RNF185: variants seen among roughly 807,000 people sequenced by gnomAD.
The protein encoded by RNF185 is E3 ubiquitin-protein ligase RNF185.
RNF185 carries 13 observed loss-of-function variants against 24.9 expected under a neutral mutation model. That is an observed-to-expected ratio of 0.52 (90% CI 0.34 to 0.83). The LOEUF (loss-of-function observed/expected upper bound fraction) is 0.83. Ranked by LOEUF, RNF185 falls within the 40% of genes least tolerant of loss-of-function variation. RNF185 has a pLI of 0.01. For missense variants in RNF185, 184 were observed against 244.7 expected, an observed-to-expected ratio of 0.75 and a Z score of 1.65; for synonymous variants, 79 against 90.3, an observed-to-expected ratio of 0.88 and a Z score of 0.71.
intron 1 of RNF185, among the ~76,000 whole-genome samples, chr22:31,177,490 G>A (rs2047994451): frequency 6.6e-6 from 1 of 152,008 alleles, no homozygotes; most frequent in Non-Finnish European, 1.5e-5. Flanking sequence ...AAATTTCAAA[G>A]CTGGTTTATG....
rs1338951921 is a variant in RNF185, at chr22:31,205,536, C to T, written c.*950C>T. 2 of 151,674 alleles carry T rather than the reference C, an allele frequency of 1.3e-5. No individual in the cohort carries two copies. Among genetic ancestry groups the T allele is most frequent in the African/African-American group, 4.8e-5 (2 of 41,380 alleles). The allele number at this position is 151,674 out of a possible 1,614,324, so 9.4% of individuals were successfully genotyped here. On this transcript the variant is annotated 3_prime_UTR_variant, in exon 7 of 7. Transcript: ENST00000326132. Reference sequence around the variant, plus strand: ...TGCAGAAGCTTGAATGCATCCTCTCCCAGAACCTGCCACAGGAAACTGGGG... The same window carrying T: ...TGCAGAAGCTTGAATGCATCCTCTCTCAGAACCTGCCACAGGAAACTGGGG...
chr22:31,202,737 C>T (rs1372614105), intron 6 of RNF185, among the ~76,000 whole-genome samples: 5 of 151,538 alleles, frequency 3.3e-5, no homozygotes, highest in Non-Finnish European at 7.4e-5. Context: ...CTCAGCCTCC[C>T]GAGTAGCTGG....
chr22:31,168,932 G>A (rs1485199694), intron 1 of RNF185, among the ~76,000 whole-genome samples: 1 of 151,888 alleles, frequency 6.6e-6, no homozygotes, highest in African/African-American at 2.4e-5. Context: ...TTTTGAGACA[G>A]AGTCTCTCTC....
At chr22:31,185,836 G>A (rs535263306) in intron 1 of RNF185, among the ~76,000 whole-genome samples, 1 of 152,226 alleles carries the variant, frequency 6.6e-6, no homozygotes, top group Non-Finnish European at 1.5e-5. Flanking sequence ...GGAGGTGGTG[G>A]TCAACAGTGG....
rs1425399730 is a variant in RNF185 at position 31,195,216 on chromosome 22, G to A, written c.196-253G>A. The stretch of plus-strand genomic sequence containing the variant: ...GATCCACCCACCTCCGCCTCCCAAA[G>A]CGCTGGGATTACAGGCATGAGCACC... On this transcript the variant is annotated intron_variant, in intron 3 of 6. Transcript: ENST00000326132. Among the ~76,000 whole-genome samples, 4 of 152,180 alleles carry A rather than the reference G, an allele frequency of 2.6e-5. No individual in the cohort carries two copies. The East Asian group carries it at 5.8e-4, about 22-fold the overall frequency.
At chr22:31,203,049 A>G (rs1180360212) in intron 6 of RNF185, among the ~76,000 whole-genome samples, 1 of 152,236 alleles carries the variant, frequency 6.6e-6, no homozygotes, top group Non-Finnish European at 1.5e-5. Context: ...GAAGCCAGCA[A>G]GAACCTGCCT....
intron 1 of RNF185, among the ~76,000 whole-genome samples, chr22:31,170,020 C>CT (rs1924178920): frequency 6.6e-6 from 1 of 152,204 alleles, no homozygotes; most frequent in South Asian, 2.1e-4. Flanking sequence ...CAGATTGTGT[C>CT]TGCTTCTGTG....
At chr22:31,171,472 C>G (rs1055283075) in intron 1 of RNF185, among the ~76,000 whole-genome samples, 14 of 152,034 alleles carry the variant, frequency 9.2e-5, no homozygotes, top group Non-Finnish European at 1.5e-4. Flanking sequence ...TGAGCTACTG[C>G]ACCCAGCCCT....
intron 1 of RNF185, among the ~76,000 whole-genome samples, chr22:31,160,930 G>A (rs937868942): frequency 3.3e-5 from 5 of 152,174 alleles, no homozygotes; most frequent in Non-Finnish European, 7.3e-5. Context: ...AATGTTTGAA[G>A]CTCATTGATT....
intron 1 of RNF185, among the ~76,000 whole-genome samples, chr22:31,160,730 C>T (rs2147911097): frequency 6.6e-6 from 1 of 152,300 alleles, no homozygotes; most frequent in East Asian, 1.9e-4. Flanking sequence ...ATTGTGCGTT[C>T]TGGGCCAAAT....
chr22:31,199,132 G>T (rs1018881232), intron 5 of RNF185, among the ~76,000 whole-genome samples: 2 of 151,608 alleles, frequency 1.3e-5, no homozygotes, highest in Non-Finnish European at 2.9e-5. Flanking sequence ...AGAAATTAAG[G>T]TTCTCTTCTC....
intron 1 of RNF185, among the ~76,000 whole-genome samples, chr22:31,180,997 A>G (rs946986268): frequency 6.6e-6 from 1 of 151,430 alleles, no homozygotes; most frequent in African/African-American, 2.4e-5. Context: ...ACACATACAT[A>G]CTCATATACA....
chr22:31,160,622 G>C (rs954312387), intron 1 of RNF185, among the ~76,000 whole-genome samples: 5 of 152,182 alleles, frequency 3.3e-5, no homozygotes, highest in African/African-American at 9.7e-5. Context: ...CATTTCACGA[G>C]TTTGCCCTGA....
At chr22:31,196,008 C>G (rs1304227739) in intron 4 of RNF185, among the ~76,000 whole-genome samples, 1 of 152,114 alleles carries the variant, frequency 6.6e-6, no homozygotes, top group East Asian at 1.9e-4. Flanking sequence ...GTATTGAGAG[C>G]CCTTCATGGT....
Position 31,192,689 on chromosome 22 carries a change from C to T in RNF185, c.182C>T (p.Pro61Leu), listed in dbSNP as rs754140794. 1.9e-5 allele frequency: 31 copies of T among 1,613,824 alleles called. No individual in the cohort carries two copies. Among genetic ancestry groups the T allele is most frequent in the Non-Finnish European group, 2.5e-5 (29 of 1,179,790 alleles). Residue 61 changes from proline (P) to leucine (L), a missense_variant, in exon 3 of 7, where the codon CCG becomes CTG. By Grantham distance (98) the Pro-to-Leu change is moderately conservative. Coordinates refer to ENST00000326132, the MANE Select transcript of RNF185 (RefSeq NM_152267.4). The part of the protein sequence containing the change: ...ISLCGHLFCW[P>L]CLHQWLETRP... Reference sequence around the variant, plus strand: ...TGCCCTGGGGACTCTGGCAGTTGGCCGTGTTTACATCAGGTAAGATGCATT... The same window carrying T: ...TGCCCTGGGGACTCTGGCAGTTGGCTGTGTTTACATCAGGTAAGATGCATT...
At chr22:31,162,834 A>G (rs5753486) in intron 1 of RNF185, among the ~76,000 whole-genome samples, 106,013 of 149,814 alleles carry the variant, frequency 0.71, 38,532 homozygotes, top group African/African-American at 0.88. Flanking sequence ...GCTCCATCTC[A>G]GCTCACTGCA....
intron 2 of RNF185, among the ~76,000 whole-genome samples, chr22:31,188,538 C>T (rs1053280994): frequency 6.6e-6 from 1 of 152,098 alleles, no homozygotes; most frequent in Non-Finnish European, 1.5e-5. Flanking sequence ...ATGTGTACAG[C>T]TATTATGGCT....
At chr22:31,191,660 G>A (rs967632481) in intron 2 of RNF185, among the ~76,000 whole-genome samples, 4 of 151,976 alleles carry the variant, frequency 2.6e-5, no homozygotes, top group Admixed American at 6.6e-5. Context: ...GTGAAACCCC[G>A]TTTCTGCTAA....
At chr22:31,161,462 T>G (rs1923571895) in intron 1 of RNF185, among the ~76,000 whole-genome samples, 2 of 152,252 alleles carry the variant, frequency 1.3e-5, no homozygotes, top group Non-Finnish European at 2.9e-5. Context: ...AATCTCTTCC[T>G]GGTTGTCCTG....
Sources: allele counts gnomAD v4.1 joint callset (sites outside exome capture counted in the v4.1 genomes callset), GRCh38; gene constraint gnomAD v4.1.1; transcripts MANE v1.5; gene names NCBI Gene and HGNC (gene_info 2026-07-23, HGNC 2026-07-21).